The following ZNF544 variants were observed in gnomAD, a reference collection of about 807,000 sequenced individuals.
ZNF544 encodes zinc finger protein 544, also known as zinc finger protein AF020591.
A neutral mutation model predicts 13.5 loss-of-function variants in ZNF544; 10 were observed. That is an observed-to-expected ratio of 0.74 (90% CI 0.46 to 1.25). The LOEUF (loss-of-function observed/expected upper bound fraction) is 1.25, where lower values mean the gene tolerates loss of function less well. Ranked by LOEUF, ZNF544 falls within the 50% of genes most tolerant of loss-of-function variation. The probability of loss-of-function intolerance (pLI) is 0.00; values close to 1 mark genes in which losing one functional copy is unlikely to be tolerated. For synonymous variants in ZNF544, 323 were observed against 300.5 expected (o/e 1.07, Z -0.77); for missense variants, 896 against 845.6 (o/e 1.06, Z -0.74).
At chr19:58,241,903 A>G (rs1382634870) in intron 3 of ZNF544, among the ~76,000 whole-genome samples, 1 of 148,572 alleles carries the variant, frequency 6.7e-6, no homozygotes, top group Non-Finnish European at 1.5e-5. Context: ...CTGTTTCAGC[A>G]CTGAATTTGC....
intron 6 of ZNF544, chr19:58,251,272 A>G (rs757757467): frequency 5.8e-6 from 3 of 518,160 alleles, no homozygotes; most frequent in Non-Finnish European, 1.2e-5. Context: ...GAAAGTTGGT[A>G]GGCTTTTACT....
At chr19:58,267,676 T>TA (rs56839702), downstream of ZNF544, 18,284 of 105,624 alleles carry the variant, frequency 0.17, 1,439 homozygotes, top group African/African-American at 0.25. Context: ...AGACTCCATC[T>TA]AAAAAAAAAA....
downstream of ZNF544, among the ~76,000 whole-genome samples, chr19:58,264,502 G>A (rs2147769005): frequency 6.6e-6 from 1 of 151,124 alleles, no homozygotes; most frequent in East Asian, 2.0e-4. Context: ...GACCAGCCTG[G>A]CCAACATGGC....
intron 4 of ZNF544, 74 bp from the exon 5 acceptor site, chr19:58,246,227 T>C: frequency 1.9e-6 from 3 of 1,601,624 alleles, no homozygotes; most frequent in African/African-American, 1.3e-5. Context: ...CACCAACATT[T>C]AGGCCTTAAC....
downstream of ZNF544, chr19:58,263,783 A>C (rs2049465487): frequency 6.0e-6 from 1 of 167,382 alleles, no homozygotes; most frequent in African/African-American, 2.4e-5. Context: ...AAACATGGCA[A>C]AACTGTCTCT....
In ZNF544 at chr19:58,246,418, G is replaced by C. The variant is rs2045229649; in HGVS notation, c.151G>C (p.Val51Leu). ...GACACTGGAGACCTGGGAGCATATT[G>C]TCTCCCTGGGTAAGTGGCTGTGCTC... ...EVTLETWEHI[V>L]SLGLFLSKSD... Residue 51 changes from valine to leucine, a missense_variant, in exon 5 of 7, where the codon GTC becomes CTC. Coordinates refer to ENST00000687789, the MANE Select transcript of ZNF544 (RefSeq NM_014480.4). 1.9e-6 allele frequency: 3 copies of C among 1,614,042 alleles called. No individual in the cohort carries two copies. Among genetic ancestry groups the C allele is most frequent in the Non-Finnish European group, 2.5e-6 (3 of 1,179,978 alleles).
At chr19:58,273,895 A>C (rs909132581) in intron 5 of ZNF544, among the ~76,000 whole-genome samples, 3 of 151,554 alleles carry the variant, frequency 2.0e-5, no homozygotes, top group Admixed American at 2.0e-4. Context: ...TCCCGGGTTC[A>C]AGTGATTCTC....
intron 3 of ZNF544, among the ~76,000 whole-genome samples, chr19:58,238,410 C>T (rs74496797): frequency 0.075 from 11,385 of 152,154 alleles, 878 homozygotes; most frequent in African/African-American, 0.19. Flanking sequence ...TCAAACCCAC[C>T]GTGGTAACCC....
chr19:58,276,851 C>T (rs975413871), intron 6 of ZNF544, among the ~76,000 whole-genome samples: 6 of 152,242 alleles, frequency 3.9e-5, no homozygotes, highest in African/African-American at 1.4e-4. Flanking sequence ...GCAGCCTCCA[C>T]TCTGCAAAAC....
chr19:58,241,528 G>A (rs1488412456), intron 3 of ZNF544, among the ~76,000 whole-genome samples: 4 of 143,544 alleles, frequency 2.8e-5, no homozygotes, highest in Non-Finnish European at 4.5e-5. Flanking sequence ...GTGGAGTCTC[G>A]CTCTGTCACC....
At chr19:58,268,743 A>C (rs1326875089), downstream of ZNF544, among the ~76,000 whole-genome samples, 4 of 152,258 alleles carry the variant, frequency 2.6e-5, no homozygotes, top group Non-Finnish European at 5.9e-5. Context: ...CTTATGCCAG[A>C]TATGGAAGGA....
chr19:58,275,795 AAAAAAAAG>A (rs1344698104), intron 5 of ZNF544, among the ~76,000 whole-genome samples: 7 of 131,324 alleles, frequency 5.3e-5, no homozygotes, highest in Admixed American at 3.3e-4. Flanking sequence ...AAAAAAAAAA[AAAAAAAAG>A]GAAAGAGGAA....
Position 58,237,292 on chromosome 19 carries a change from C to T in ZNF544, c.-59-6673C>T, listed in dbSNP as rs942643925. Among the ~76,000 whole-genome samples the T allele has an allele frequency of 6.6e-5, 10 of 152,014 alleles. 2 individuals carry two copies. In the South Asian group the frequency reaches 1.5e-3, roughly 22 times the overall value. On this transcript the variant is annotated intron_variant, in intron 3 of 6. Transcript: ENST00000687789. Reference sequence around the variant, plus strand: ...TTGCCTAGGCTTGTCTTGATCTCCTCGGCTCAAGCAGTCCGCCTGCCTCTG... The same window carrying T: ...TTGCCTAGGCTTGTCTTGATCTCCTTGGCTCAAGCAGTCCGCCTGCCTCTG...
Position 58,263,031 on chromosome 19 carries a change from G to A in ZNF544, c.*277G>A, listed in dbSNP as rs561465315. ...CATTGCGAGAAAGCCTTTAGCCAACGGTGTCAACTTACTAGGCAGCAGAGA... is the reference window on the plus strand; with the variant it reads ...CATTGCGAGAAAGCCTTTAGCCAACAGTGTCAACTTACTAGGCAGCAGAGA... On this transcript the variant is annotated 3_prime_UTR_variant, in exon 7 of 7. Coordinates refer to ENST00000687789, the MANE Select transcript of ZNF544 (RefSeq NM_014480.4). 121 of 1,173,416 alleles carry A rather than the reference G, an allele frequency of 1.0e-4. No homozygotes were observed. The Middle Eastern group carries it at 1.7e-3, about 17-fold the overall frequency. The allele number at this position is 1,173,416 out of a possible 1,614,324, so 72.7% of individuals were successfully genotyped here. A position where few individuals can be genotyped will look rare whatever the true frequency, so the allele number is the denominator to read the frequency against.
chr19:58,249,141 T>C (rs1184989529), intron 6 of ZNF544, among the ~76,000 whole-genome samples: 1 of 152,212 alleles, frequency 6.6e-6, no homozygotes, highest in Non-Finnish European at 1.5e-5. Flanking sequence ...GGTTTTCCTT[T>C]TGATTCAGTT....
chr19:58,241,174 T>TTTAA (rs1312661470), intron 3 of ZNF544, among the ~76,000 whole-genome samples: 1 of 94,654 alleles, frequency 1.1e-5, no homozygotes, highest in African/African-American at 4.6e-5. Flanking sequence ...TATATATATA[T>TTTAA]ATATATTTTT....
chr19:58,243,591 C>G (rs1383123716), intron 3 of ZNF544, among the ~76,000 whole-genome samples: 1 of 151,918 alleles, frequency 6.6e-6, no homozygotes, highest in Non-Finnish European at 1.5e-5. Context: ...AGTGTCACAT[C>G]CTCCTTGTCC....
intron 3 of ZNF544, among the ~76,000 whole-genome samples, chr19:58,237,031 A>G (rs1379986601): frequency 2.7e-5 from 4 of 149,062 alleles, no homozygotes; most frequent in Admixed American, 1.3e-4. Flanking sequence ...GTGAGCCACC[A>G]CACCTGGCCT....
intron 6 of ZNF544, chr19:58,259,025 A>G (rs2048310632): frequency 6.6e-6 from 1 of 152,224 alleles, no homozygotes; most frequent in African/African-American, 2.4e-5. Flanking sequence ...AGTGCCAGAC[A>G]CTGTGTGAGG....
Sources: gnomAD v4.1 joint callset for allele counts (sites outside exome capture counted in the v4.1 genomes callset) on GRCh38, gnomAD v4.1.1 for gene constraint, MANE v1.5 for transcripts, NCBI Gene and HGNC (gene_info 2026-07-23, HGNC 2026-07-21) for gene names.